Variants in PMM2 observed in about 807,000 individuals in gnomAD.
The protein encoded by PMM2 is phosphomannomutase 2.
A neutral mutation model predicts 33.2 loss-of-function variants in PMM2; 35 were observed. The observed-to-expected ratio is 1.06, with a 90% confidence interval of 0.81 to 1.40. The LOEUF (loss-of-function observed/expected upper bound fraction) is 1.40. Ranked by LOEUF, PMM2 falls within the 40% of genes most tolerant of loss-of-function variation. The pLI is 0.00. For synonymous variants in PMM2, 153 were observed against 114.7 expected, an observed-to-expected ratio of 1.33 and a Z score of -2.13; for missense variants, 386 against 306.0, an observed-to-expected ratio of 1.26 and a Z score of -1.95.
At chr16:8,827,707 T>C (rs1487713449) in intron 7 of PMM2, among the ~76,000 whole-genome samples, 2 of 128,862 alleles carry the variant, frequency 1.6e-5, no homozygotes, top group African/African-American at 5.9e-5. Flanking sequence ...ACAAAGGCCT[T>C]TTAAATGTGT....
At chr16:8,815,527 G>A (rs181342921) in intron 7 of PMM2, among the ~76,000 whole-genome samples, 30 of 152,156 alleles carry the variant, frequency 2.0e-4, no homozygotes, top group Non-Finnish European at 3.7e-4. Flanking sequence ...CAGCGTGCCC[G>A]GTCAGAATAT....
chr16:8,806,337 G>A lies in PMM2; in HGVS notation c.277G>A (p.Glu93Lys). The change falls in exon 4 of 8, where the codon GAG becomes AAG. Residue 93 changes from glutamate to lysine, a missense_variant. Physicochemically the swap from Glu to Lys is moderately conservative, Grantham distance 56. Coordinates refer to ENST00000268261, the MANE Select transcript of PMM2 (RefSeq NM_000303.3). ...CRQNIQSHLG[E>K]ALIQDLINYC... Reference sequence around the variant, plus strand: ...CTAGAATATTCAAAGTCATCTGGGTGAGGCCCTAATCCAAGATTTAATCAA... The same window carrying A: ...CTAGAATATTCAAAGTCATCTGGGTAAGGCCCTAATCCAAGATTTAATCAA... 6.2e-7 allele frequency: 1 copy of A among 1,608,452 alleles called. No homozygotes were observed. The highest frequency in any genetic ancestry group is 8.5e-7 in the Non-Finnish European group (1 of 1,174,838).
intron 3 of PMM2, 127 bp from the exon 4 acceptor site, chr16:8,806,189 G>T: frequency 1.4e-6 from 1 of 724,352 alleles, no homozygotes. Context: ...AGTGGGGCAT[G>T]TCACCATCAC....
chr16:8,835,872 GT>G (rs535289353), intron 7 of PMM2, among the ~76,000 whole-genome samples: 6 of 151,916 alleles, frequency 3.9e-5, no homozygotes, highest in African/African-American at 7.2e-5. Context: ...GTGGGTTAAG[GT>G]TGGGGGATAC....
intron 7 of PMM2, chr16:8,832,979 T>C (rs920288027): frequency 4.2e-6 from 2 of 476,836 alleles, no homozygotes; most frequent in African/African-American, 7.1e-5. Context: ...AGGGCAGCTG[T>C]GATGTGGTTT....
chr16:8,803,213 C>T (rs1567157173), intron 2 of PMM2, among the ~76,000 whole-genome samples: 1 of 152,186 alleles, frequency 6.6e-6, no homozygotes, highest in Non-Finnish European at 1.5e-5. Context: ...TATAGGATCA[C>T]CATTACTAGA....
chr16:8,829,455 AAG>A (rs2060797638), intron 7 of PMM2, among the ~76,000 whole-genome samples: 1 of 152,214 alleles, frequency 6.6e-6, no homozygotes, highest in East Asian at 1.9e-4. Context: ...TCAATTTTTC[AAG>A]ATGCTGCCCA....
At chr16:8,833,101 T>G (rs911669860) in intron 7 of PMM2, among the ~76,000 whole-genome samples, 1 of 152,192 alleles carries the variant, frequency 6.6e-6, no homozygotes. Flanking sequence ...ACATGGCTGT[T>G]TTTTTCACCT....
Position 8,847,744 on chromosome 16 carries a change from C to G in PMM2, c.660C>G (p.Ile220Met), listed in dbSNP as rs748834946. 4 of 1,613,850 alleles carry G rather than the reference C, an allele frequency of 2.5e-6. No individual in the cohort carries two copies. The highest frequency in any genetic ancestry group is 1.7e-5 in the Admixed American group (1 of 60,026). ...TCCAGGGTGGCAATGACCATGAGAT[C>G]TTCACAGACCCCAGAACCATGGGCT... ...KTMPGGNDHE[I>M]FTDPRTMGYS... The change falls in exon 8 of 8, where the codon ATC (isoleucine) becomes ATG (methionine). Residue 220 changes from isoleucine to methionine, a missense_variant. Coordinates refer to ENST00000268261, the MANE Select transcript of PMM2 (RefSeq NM_000303.3).
intron 7 of PMM2, among the ~76,000 whole-genome samples, chr16:8,836,297 G>A (rs920048046): frequency 6.6e-6 from 1 of 152,002 alleles, no homozygotes; most frequent in Non-Finnish European, 1.5e-5. Context: ...CTGCTAAGCC[G>A]AGATCTGGGA....
Position 8,848,178 on chromosome 16 carries a change from T to A in PMM2, c.*353T>A. 3.6e-6 allele frequency: 1 copy of A among 274,726 alleles called. No homozygotes were observed. Among genetic ancestry groups the A allele is most frequent in the South Asian group, 3.9e-5 (1 of 25,806 alleles). The allele number at this position is 274,726 out of a possible 1,614,324, so 17.0% of individuals were successfully genotyped here. A position where few individuals can be genotyped will look rare whatever the true frequency, so the allele number is the denominator to read the frequency against. On this transcript the variant is annotated 3_prime_UTR_variant, in exon 8 of 8. Coordinates refer to ENST00000268261, the MANE Select transcript of PMM2 (RefSeq NM_000303.3). ...AGAAAGAAAAACTGTGCCTGGACCC[T>A]CCCTCTTGGTGGGTCTGTGGAAACA... is the stretch of plus-strand genomic sequence containing the variant.
At chr16:8,828,023 C>CTAT (rs1491498264) in intron 7 of PMM2, among the ~76,000 whole-genome samples, 1 of 24,938 alleles carries the variant, frequency 4.0e-5, no homozygotes, top group Non-Finnish European at 8.7e-5. Flanking sequence ...AACTGTAGAA[C>CTAT]TCTTTTTTTT....
At chr16:8,801,474 T>G (rs1199549814) in intron 1 of PMM2, among the ~76,000 whole-genome samples, 1 of 152,138 alleles carries the variant, frequency 6.6e-6, no homozygotes, top group African/African-American at 2.4e-5. Context: ...AGTTCCAGAC[T>G]GGCCTGGGCA....
intron 1 of PMM2, among the ~76,000 whole-genome samples, chr16:8,800,545 G>C (rs1159940019): frequency 6.6e-6 from 1 of 151,852 alleles, no homozygotes; most frequent in East Asian, 1.9e-4. Context: ...ATACCACTAA[G>C]ACCACTCTTT....
chr16:8,823,935 C>G (rs926040588), intron 7 of PMM2, among the ~76,000 whole-genome samples: 4 of 152,180 alleles, frequency 2.6e-5, no homozygotes, highest in Admixed American at 6.5e-5. Context: ...TCGTACCAGT[C>G]AAAGCCTTGG....
At chr16:8,836,240 G>T (rs1236747206) in intron 7 of PMM2, among the ~76,000 whole-genome samples, 1 of 151,910 alleles carries the variant, frequency 6.6e-6, no homozygotes, top group Admixed American at 6.6e-5. Flanking sequence ...CGGCGTCCGT[G>T]ATGGTTTATG....
intron 7 of PMM2, among the ~76,000 whole-genome samples, chr16:8,814,111 A>C (rs1021094695): frequency 1.3e-5 from 2 of 151,864 alleles, no homozygotes; most frequent in Non-Finnish European, 2.9e-5. Flanking sequence ...AAGTGATCCA[A>C]TCAACTCGGC....
chr16:8,826,305 C>T (rs1316891867), intron 7 of PMM2, among the ~76,000 whole-genome samples: 1 of 151,972 alleles, frequency 6.6e-6, no homozygotes, highest in Non-Finnish European at 1.5e-5. Flanking sequence ...TTTAAAAAAA[C>T]CCATATTCCC....
At position 8,812,991 on chromosome 16, in the gene PMM2, G is replaced by A; in HGVS notation, c.524G>A (p.Gly175Glu). Residue 175 changes from glycine to glutamate, a missense_variant and splice_region_variant, in exon 7 of 8, where the codon GGA becomes GAA. Gly to Glu is a moderately conservative substitution (Grantham distance 98, BLOSUM62 -2). Coordinates refer to ENST00000268261, the MANE Select transcript of PMM2 (RefSeq NM_000303.3). ...TGTGTGCCCCGTCCCCACCCGGCAG[G>A]AGGCCAGATCAGCTTTGATGTCTTT... ...FAGKGLTFSI[G>E]GQISFDVFPD... 1 of 1,590,898 alleles carries A rather than the reference G, an allele frequency of 6.3e-7. No individual in the cohort carries two copies. The highest frequency in any genetic ancestry group is 1.1e-5 in the South Asian group (1 of 90,682).
Sources: gnomAD v4.1 joint callset for allele counts (sites outside exome capture counted in the v4.1 genomes callset) on GRCh38, gnomAD v4.1.1 for gene constraint, MANE v1.5 for transcripts, NCBI Gene and HGNC (gene_info 2026-07-23, HGNC 2026-07-21) for gene names.